The following ST6GALNAC4 variants were observed in gnomAD, a reference collection of about 807,000 sequenced individuals.
The protein encoded by ST6GALNAC4 is ST6 N-acetylgalactosaminide alpha-2,6-sialyltransferase 4.
A neutral mutation model predicts 30.4 loss-of-function variants in ST6GALNAC4; 24 were observed. The ratio of observed to expected loss-of-function variants is 0.79; its 90% CI spans 0.57 to 1.11. ST6GALNAC4 has a LOEUF of 1.11. Among genes scored for constraint, ST6GALNAC4 ranks in the 50% most tolerant of loss-of-function variants. ST6GALNAC4 has a pLI of 0.00. For synonymous variants in ST6GALNAC4, 156 were observed against 179.7 expected (o/e 0.87, Z 1.05); for missense variants, 365 against 430.1 (o/e 0.85, Z 1.34).
chr9:127,909,560 T>C (rs1193481649), intron 5 of ST6GALNAC4, among the ~76,000 whole-genome samples: 1 of 150,290 alleles, frequency 6.7e-6, no homozygotes, highest in African/African-American at 2.4e-5. Context: ...GATATATATA[T>C]ATATATATAT....
At chr9:127,909,349 A>G (rs1356249114) in intron 5 of ST6GALNAC4, among the ~76,000 whole-genome samples, 1 of 151,328 alleles carries the variant, frequency 6.6e-6, no homozygotes, top group African/African-American at 2.4e-5. Context: ...AGATCGCGCC[A>G]CTGCACTCCA....
intron 3 of ST6GALNAC4, 61 bp from the exon 4 acceptor site, chr9:127,912,741 C>T: frequency 6.9e-7 from 1 of 1,458,954 alleles, no homozygotes; most frequent in East Asian, 2.4e-5. Flanking sequence ...ACACCCCCTG[C>T]AGCTCCCCCT....
At chr9:127,908,691 C>T in intron 5 of ST6GALNAC4, 110 bp from the exon 6 acceptor site, 1 of 1,015,184 alleles carries the variant, frequency 9.9e-7, no homozygotes, top group East Asian at 2.9e-5. Flanking sequence ...CGTGAAGACC[C>T]ACGCCTGATC....
At position 127,909,053 on chromosome 9, in the gene ST6GALNAC4, C is replaced by T. The variant is rs546321586; in HGVS notation, c.720-472G>A. ...TGGGGCACAGGGACACCTGTCACCT[C>T]GGTGACCTGTTGTGAACTCGTTAGT... On this transcript the variant is annotated intron_variant, in intron 5 of 5. Transcript: ENST00000335791. 1.3e-3 allele frequency among the ~76,000 whole-genome samples: 199 copies of T among 152,240 alleles called. 1 individual carries two copies. Among genetic ancestry groups the T allele is most frequent in the Non-Finnish European group, 2.2e-3 (151 of 68,028 alleles).
chr9:127,913,345 G>A (rs1476976927), intron 3 of ST6GALNAC4, among the ~76,000 whole-genome samples: 2 of 152,236 alleles, frequency 1.3e-5, no homozygotes, highest in African/African-American at 4.8e-5. Flanking sequence ...AGCACTTTGG[G>A]AGGCCAAGGT....
chr9:127,914,120 C>T (rs919052813), intron 3 of ST6GALNAC4, among the ~76,000 whole-genome samples: 2 of 151,468 alleles, frequency 1.3e-5, no homozygotes, highest in Non-Finnish European at 2.9e-5. Flanking sequence ...CTTGGGCGGG[C>T]GTGGTGGCTC....
chr9:127,909,322 G>C (rs1367896540), intron 5 of ST6GALNAC4, among the ~76,000 whole-genome samples: 1 of 151,222 alleles, frequency 6.6e-6, no homozygotes, highest in Non-Finnish European at 1.5e-5. Context: ...CCGGGAGGTG[G>C]AGGTTGCAGT....
chr9:127,908,383 C>T lies in ST6GALNAC4; in HGVS notation c.*9G>A, dbSNP rs2274423. On this transcript the variant is annotated 3_prime_UTR_variant, in exon 6 of 6. Transcript: ENST00000335791. The stretch of plus-strand genomic sequence containing the variant: ...CGCAACGGCATGGCGACTGGCAGGA[C>T]GACGGAAGCTACTCAGTCCTCCAGG... 5.2e-4 allele frequency: 794 copies of T among 1,520,446 alleles called. 9 individuals are homozygous for T. The East Asian group carries it at 0.017, about 32-fold the overall frequency. 94.2% of individuals were successfully genotyped at this position (1,520,446 alleles called of 1,614,324 possible). A position where few individuals can be genotyped will look rare whatever the true frequency, so the allele number is the denominator to read the frequency against.
At chr9:127,914,906 C>G in intron 2 of ST6GALNAC4, 65 bp from the exon 3 acceptor site, 1 of 1,375,074 alleles carries the variant, frequency 7.3e-7, no homozygotes, top group Non-Finnish European at 9.5e-7. Context: ...CCCTTCAGCG[C>G]TGCACCTGGC....
At chr9:127,916,258 C>G in intron 2 of ST6GALNAC4, 150 bp downstream of exon 2, 1 of 995,688 alleles carries the variant, frequency 1.0e-6, no homozygotes, top group Non-Finnish European at 1.6e-6. Flanking sequence ...TCTGCAAGAA[C>G]AGGGTTGGAC....
At position 127,910,016 on chromosome 9, in the gene ST6GALNAC4, C is replaced by A; in HGVS notation, c.654G>T (p.Met218Ile). The change falls in exon 5 of 6, where the codon ATG (methionine) becomes ATT (isoleucine). Residue 218 changes from methionine (M) to isoleucine (I), a missense_variant. Transcript: ENST00000335791. ...GSFLSTGWFT[M>I]ILALELCEEI... The stretch of plus-strand genomic sequence containing the variant: ...CCTCACACAGCTCCAGCGCGAGGAT[C>A]ATGGTGAACCAGCCGGTGCTGAGGA... 1 of 1,613,430 alleles carries A rather than the reference C, an allele frequency of 6.2e-7. No individual in the cohort carries two copies.
chr9:127,912,647 C>G lies in ST6GALNAC4; in HGVS notation c.232G>C (p.Val78Leu). The change falls in exon 4 of 6, where the codon GTG becomes CTG. Residue 78 changes from valine (V) to leucine (L), a missense_variant. Val to Leu is a conservative substitution (Grantham distance 32, BLOSUM62 1). Transcript: ENST00000335791. ...AGCATTTGGCCGGAGCTGGACACCA[C>G]GGCACAGCTGCGGCAGGGCTCGCGG... ...LVREPCRSCA[V>L]VSSSGQMLGS... The G allele has an allele frequency of 6.3e-7, 1 of 1,590,626 alleles. No individual in the cohort carries two copies. The highest frequency in any genetic ancestry group is 8.5e-7 in the Non-Finnish European group (1 of 1,170,478).
At position 127,912,574 on chromosome 9, in the gene ST6GALNAC4, C is replaced by A. The variant is rs775758978; in HGVS notation, c.305G>T (p.Arg102Leu). 1 of 1,612,202 alleles carries A rather than the reference C, an allele frequency of 6.2e-7. No homozygotes were observed. The highest frequency in any genetic ancestry group is 2.2e-5 in the East Asian group (1 of 44,882). Reference sequence around the variant, plus strand: ...GCCCACGGTGGGCGCCTGGTTCATGCGGAACACGCACTCGGCACTGTCGAT... The same window carrying A: ...GCCCACGGTGGGCGCCTGGTTCATGAGGAACACGCACTCGGCACTGTCGAT... ...AEIDSAECVF[R>L]MNQAPTVGFE... is the part of the protein sequence containing the mutation. The change falls in exon 4 of 6, where the codon CGC becomes CTC. Residue 102 changes from arginine (R) to leucine (L), a missense_variant. Arg to Leu is a moderately radical substitution (Grantham distance 102, BLOSUM62 -2). Transcript: ENST00000335791.
rs561925019 is a variant in ST6GALNAC4, at chr9:127,913,594, A to G, written c.199-914T>C. ...GTGAGCTCTTGTCTAAAATAAATAA[A>G]CAAATAAAAATATAAATACAAAAAA... is the stretch of plus-strand genomic sequence containing the variant. On this transcript the variant is annotated intron_variant, in intron 3 of 5. Transcript: ENST00000335791. Among the ~76,000 whole-genome samples the G allele has an allele frequency of 5.3e-5, 8 of 151,346 alleles. No homozygotes were observed. In the East Asian group the frequency reaches 1.2e-3, roughly 22 times the overall value.
At chr9:127,911,635 C>A (rs894597451) in intron 4 of ST6GALNAC4, among the ~76,000 whole-genome samples, 1 of 152,182 alleles carries the variant, frequency 6.6e-6, no homozygotes, top group African/African-American at 2.4e-5. Context: ...TACAGGCATG[C>A]GCCACCACAC....
chr9:127,913,045 T>C (rs1003199574), intron 3 of ST6GALNAC4, among the ~76,000 whole-genome samples: 3 of 152,240 alleles, frequency 2.0e-5, no homozygotes, highest in Non-Finnish European at 2.9e-5. Context: ...CATATAAGTA[T>C]TTGTCAAGTA....
chr9:127,910,194 G>A, intron 4 of ST6GALNAC4, 136 bp from the exon 5 acceptor site: 1 of 1,448,192 alleles, frequency 6.9e-7, no homozygotes, highest in Non-Finnish European at 9.1e-7. Context: ...GGGGGAGGCT[G>A]GGGAGGGGAC....
At chr9:127,908,871 C>G (rs1482148324) in intron 5 of ST6GALNAC4, among the ~76,000 whole-genome samples, 2 of 152,134 alleles carry the variant, frequency 1.3e-5, no homozygotes, top group African/African-American at 4.8e-5. Flanking sequence ...AGAACAAGTG[C>G]GTAGATCAAG....
intron 3 of ST6GALNAC4, 23 bp downstream of exon 3, chr9:127,914,633 G>C: frequency 6.3e-7 from 1 of 1,583,718 alleles, no homozygotes; most frequent in Non-Finnish European, 8.6e-7. Context: ...ACCCACCCCG[G>C]ATGCATTGCC....
Sources: allele counts gnomAD v4.1 joint callset (sites outside exome capture counted in the v4.1 genomes callset), GRCh38; gene constraint gnomAD v4.1.1; transcripts MANE v1.5; gene names NCBI Gene and HGNC (gene_info 2026-07-23, HGNC 2026-07-21).